Variants in HTT observed in about 807,000 individuals in gnomAD.
The protein encoded by HTT is huntington disease protein.
In HTT, 104 loss-of-function variants were observed where a neutral mutation model predicts 362.3. The ratio of observed to expected loss-of-function variants is 0.29; its 90% confidence interval spans 0.24 to 0.34. The LOEUF is 0.34. HTT is among the 10% of genes least tolerant of loss of function. The probability of loss-of-function intolerance (pLI) is 1.00; values close to 1 mark genes in which losing one functional copy is unlikely to be tolerated. For missense variants in HTT, 3,301 were observed against 3,928.6 expected (o/e 0.84, Z 4.27); for synonymous variants, 1,577 against 1,548.7 (o/e 1.02, Z -0.43).
intron 6 of HTT, among the ~76,000 whole-genome samples, chr4:3,111,997 A>T (rs574305253): frequency 6.6e-6 from 1 of 152,146 alleles, no homozygotes; most frequent in Non-Finnish European, 1.5e-5. Context: ...ACTTCTTCCT[A>T]CGGGCTAACA....
At chr4:3,204,309 A>T (rs1719742681) in intron 42 of HTT, among the ~76,000 whole-genome samples, 161 bp downstream of exon 42, 1 of 152,200 alleles carries the variant, frequency 6.6e-6, no homozygotes, top group Admixed American at 6.5e-5. Context: ...TTCTGCTGTG[A>T]CATATAATTG....
intron 4 of HTT, 86 bp from the exon 5 acceptor site, chr4:3,105,271 C>A: frequency 1.1e-6 from 1 of 898,648 alleles, no homozygotes; most frequent in Non-Finnish European, 1.8e-6. Flanking sequence ...TAGAAAGTAA[C>A]AAGGAAAGAA....
At chr4:3,078,419 G>C (rs531988986) in intron 1 of HTT, among the ~76,000 whole-genome samples, 1 of 152,344 alleles carries the variant, frequency 6.6e-6, no homozygotes, top group South Asian at 2.1e-4. Flanking sequence ...AAGCAGGGAA[G>C]GGGATAGGGA....
chr4:3,178,455 A>G lies in HTT; in HGVS notation c.4612+9A>G. 3 of 1,612,448 alleles carry G rather than the reference A, an allele frequency of 1.9e-6. No individual in the cohort carries two copies. Among genetic ancestry groups the G allele is most frequent in the Non-Finnish European group, 2.5e-6 (3 of 1,179,198 alleles). On this transcript the variant is annotated intron_variant, in intron 35 of 66. Coordinates refer to ENST00000355072, the MANE Select transcript of HTT (RefSeq NM_001388492.1). Reference sequence around the variant, plus strand: ...GAAGGCTGTGACACATGGTAACGGGACACACCTTTCACTGTCGTCTTCGGT... The same window carrying G: ...GAAGGCTGTGACACATGGTAACGGGGCACACCTTTCACTGTCGTCTTCGGT...
chr4:3,075,491 C>T (rs577691259), intron 1 of HTT, among the ~76,000 whole-genome samples: 1 of 152,200 alleles, frequency 6.6e-6, no homozygotes, highest in Admixed American at 6.5e-5. Context: ...TTGGAGGAGC[C>T]GAGATTTGCT....
intron 44 of HTT, 87 bp downstream of exon 44, chr4:3,207,070 G>A: frequency 1.5e-6 from 2 of 1,332,252 alleles, no homozygotes; most frequent in East Asian, 5.0e-5. Flanking sequence ...TCCTCCGTAA[G>A]TATGGTCTTG....
rs182867349 is a variant in HTT, at chr4:3,204,415, C to T, written c.5718+267C>T. 1.6e-4 allele frequency among the ~76,000 whole-genome samples: 25 copies of T among 152,258 alleles called. No homozygotes were observed. In the South Asian group the frequency reaches 3.3e-3, roughly 20 times the overall value. ...TATCAAATGCCCGGCTATTGGCTCA[C>T]GCCTACATGATGCTGGGTATGTTTG... On this transcript the variant is annotated intron_variant, in intron 42 of 66. Coordinates refer to ENST00000355072, the MANE Select transcript of HTT (RefSeq NM_001388492.1).
intron 29 of HTT, among the ~76,000 whole-genome samples, chr4:3,163,309 G>T (rs1325589151): frequency 1.3e-5 from 2 of 152,310 alleles, no homozygotes; most frequent in African/African-American, 4.8e-5. Context: ...TTTTTGATGT[G>T]CTGCTGGATT....
intron 37 of HTT, among the ~76,000 whole-genome samples, chr4:3,182,709 A>G (rs750717045): frequency 6.6e-6 from 1 of 152,190 alleles, no homozygotes; most frequent in Non-Finnish European, 1.5e-5. Flanking sequence ...GGAGGTGATC[A>G]GGCAGCACAC....
intron 8 of HTT, among the ~76,000 whole-genome samples, chr4:3,117,633 T>G (rs1715095789): frequency 6.6e-6 from 1 of 152,056 alleles, no homozygotes; most frequent in Admixed American, 6.6e-5. Context: ...ACCTGGGAGT[T>G]TGAGACCAGC....
chr4:3,239,026 C>T (rs1326672366), intron 66 of HTT, 48 bp downstream of exon 66: 5 of 1,540,064 alleles, frequency 3.2e-6, no homozygotes, highest in Non-Finnish European at 4.4e-6. Flanking sequence ...CTTGTCAACA[C>T]CGAGGCTCAT....
chr4:3,092,903 T>G (rs1713589783), intron 2 of HTT, among the ~76,000 whole-genome samples: 1 of 152,168 alleles, frequency 6.6e-6, no homozygotes, highest in Non-Finnish European at 1.5e-5. Flanking sequence ...GGAAAATGAA[T>G]GTGGAGAGCC....
intron 2 of HTT, among the ~76,000 whole-genome samples, chr4:3,088,619 A>T (rs371766054): frequency 3.3e-5 from 5 of 152,192 alleles, no homozygotes; most frequent in African/African-American, 9.7e-5. Flanking sequence ...TCAAAACTGA[A>T]CATCTGTCTT....
At chr4:3,196,384 G>A (rs1429513551) in intron 40 of HTT, among the ~76,000 whole-genome samples, 2 of 152,092 alleles carry the variant, frequency 1.3e-5, no homozygotes, top group Non-Finnish European at 2.9e-5. Context: ...TCTGCTTCCT[G>A]ACGCCACATC....
Position 3,215,164 on chromosome 4 carries a change from C to G in HTT, c.7007C>G (p.Pro2336Arg), listed in dbSNP as rs1288350631. The G allele has an allele frequency of 1.9e-6, 3 of 1,614,016 alleles. No homozygotes were observed. The highest frequency in any genetic ancestry group is 4.5e-5 in the East Asian group (2 of 44,902). The part of the protein sequence containing the change: ...LLSPERRTNT[P>R]KAISEEEEEV... The stretch of plus-strand genomic sequence containing the variant: ...AGTCCAGAAAGAAGGACAAATACCC[C>G]AAAAGCCATCAGCGAGGAGGAGGAG... The change falls in exon 51 of 67, where the codon CCA becomes CGA. Residue 2336 changes from proline (P) to arginine (R), a missense_variant. Coordinates refer to ENST00000355072, the MANE Select transcript of HTT (RefSeq NM_001388492.1).
Position 3,083,574 on chromosome 4 carries a change from CACACACACACACAT to C in HTT, c.264-3363_264-3350del, listed in dbSNP as rs1332122571. Among the ~76,000 whole-genome samples, 85 of 140,708 alleles carry C rather than the reference CACACACACACACAT, an allele frequency of 6.0e-4. 1 individual carries two copies. The highest frequency in any genetic ancestry group is 5.3e-3 in the South Asian group (24 of 4,560). The allele number at this position is 140,708 out of a possible 152,430, so 92.3% of individuals were successfully genotyped here. A position where few individuals can be genotyped will look rare whatever the true frequency, so the allele number is the denominator to read the frequency against. On this transcript the variant is annotated intron_variant, in intron 1 of 66. Coordinates refer to ENST00000355072, the MANE Select transcript of HTT (RefSeq NM_001388492.1). ...ACACACACACACACACACACACACA[CACACACACACACAT>C]ATATATGTATATATATGCATTTAGA...
At chr4:3,094,207 CAT>C (rs1434228049) in intron 2 of HTT, among the ~76,000 whole-genome samples, 8 of 151,910 alleles carry the variant, frequency 5.3e-5, no homozygotes, top group South Asian at 2.1e-4. Context: ...GGACACAGCA[CAT>C]GTTTCAGAGA....
intron 30 of HTT, among the ~76,000 whole-genome samples, 162 bp downstream of exon 30, chr4:3,172,559 A>G (rs1388210037): frequency 6.6e-6 from 1 of 152,142 alleles, no homozygotes; most frequent in Non-Finnish European, 1.5e-5. Flanking sequence ...CCAAGAGGCC[A>G]TCCTTCCCTT....
Position 3,212,088 on chromosome 4 carries a change from C to T in HTT, c.6574C>T (p.Pro2192Ser), listed in dbSNP as rs769470860. ...QLPAVHHVFQPELPAEPAAYW... is the reference protein window; with the variant it reads ...QLPAVHHVFQSELPAEPAAYW... ...CCCTGCTGTCCATCATGTCTTCCAG[C>T]CCGAGCTGCCTGCAGAGCCGGCGGC... Residue 2192 changes from proline to serine, a missense_variant, in exon 48 of 67, where the codon CCC (proline) becomes TCC (serine). Coordinates refer to ENST00000355072, the MANE Select transcript of HTT (RefSeq NM_001388492.1). The T allele has an allele frequency of 1.2e-6, 2 of 1,613,954 alleles. No homozygotes were observed. Among genetic ancestry groups the T allele is most frequent in the Non-Finnish European group, 1.7e-6 (2 of 1,179,924 alleles).
Sources: gnomAD v4.1 joint callset for allele counts (sites outside exome capture counted in the v4.1 genomes callset) on GRCh38, gnomAD v4.1.1 for gene constraint, MANE v1.5 for transcripts, NCBI Gene and HGNC (gene_info 2026-07-23, HGNC 2026-07-21) for gene names.